Variants in TEX26 observed in about 807,000 individuals in gnomAD.
TEX26 encodes testis expressed 26, also known as testis-expressed protein 26.
Under a neutral mutation model 35.3 loss-of-function variants are expected in TEX26, and 34 were observed. The observed-to-expected ratio is 0.96, with a 90% CI of 0.73 to 1.28. The LOEUF (loss-of-function observed/expected upper bound fraction) is 1.28, where lower values mean the gene tolerates loss of function less well. Ranked by LOEUF, TEX26 falls within the 50% of genes most tolerant of loss-of-function variation. The pLI, the probability that TEX26 is intolerant of heterozygous loss-of-function variation, is 0.00. For synonymous variants in TEX26, 136 were observed against 111.8 expected (o/e 1.22, Z -1.36); for missense variants, 371 against 330.1 (o/e 1.12, Z -0.96).
chr13:30,951,495 T>G (rs1953920208), intron 2 of TEX26, among the ~76,000 whole-genome samples: 1 of 152,168 alleles, frequency 6.6e-6, no homozygotes, highest in Non-Finnish European at 1.5e-5. Flanking sequence ...ACAGAGATAA[T>G]CTGAATCTAT....
intron 1 of TEX26, among the ~76,000 whole-genome samples, chr13:30,937,509 G>A (rs1252218277): frequency 1.5e-5 from 2 of 132,958 alleles, no homozygotes; most frequent in African/African-American, 5.6e-5. Flanking sequence ...GGTTAGAGAA[G>A]GCTTCTTTTA....
Position 30,948,432 on chromosome 13 carries a change from C to G in TEX26, c.147-4228C>G, listed in dbSNP as rs1420279703. 1.3e-5 allele frequency among the ~76,000 whole-genome samples: 2 copies of G among 152,166 alleles called. 1 individual carries two copies. The stretch of plus-strand genomic sequence containing the variant: ...TCCTGACTTTTTAATGATTGCCATT[C>G]TAACTGGTGTGAGATGGTATCTCAT... On this transcript the variant is annotated intron_variant, in intron 2 of 6. Coordinates refer to ENST00000380473, the MANE Select transcript of TEX26 (RefSeq NM_152325.3).
chr13:30,973,971 A>C (rs1349400758), intron 6 of TEX26, among the ~76,000 whole-genome samples: 1 of 151,596 alleles, frequency 6.6e-6, no homozygotes, highest in Non-Finnish European at 1.5e-5. Flanking sequence ...AAGTACAAAA[A>C]TTAGCTGGGC....
At chr13:30,961,386 T>C (rs1954337046) in intron 4 of TEX26, among the ~76,000 whole-genome samples, 1 of 152,226 alleles carries the variant, frequency 6.6e-6, no homozygotes, top group Non-Finnish European at 1.5e-5. Flanking sequence ...CTCCCTGCCT[T>C]CCACTGTACC....
chr13:30,963,521 T>C (rs543228051), intron 4 of TEX26, among the ~76,000 whole-genome samples: 1 of 152,350 alleles, frequency 6.6e-6, no homozygotes, highest in East Asian at 1.9e-4. Context: ...ATGAACAATA[T>C]ATAGTTTACT....
At chr13:30,947,143 C>A (rs956623427) in intron 2 of TEX26, among the ~76,000 whole-genome samples, 16 of 152,034 alleles carry the variant, frequency 1.1e-4, no homozygotes, top group African/African-American at 3.9e-4. Flanking sequence ...AGTACACAAT[C>A]GCTCAAAGCA....
intron 2 of TEX26, among the ~76,000 whole-genome samples, chr13:30,948,089 A>C (rs949242753): frequency 1.3e-5 from 2 of 152,098 alleles, no homozygotes; most frequent in African/African-American, 2.4e-5. Flanking sequence ...TTATGGCTGT[A>C]TAGTATTCCA....
intron 3 of TEX26, among the ~76,000 whole-genome samples, chr13:30,954,242 A>T (rs1350436064): frequency 6.7e-6 from 1 of 148,522 alleles, no homozygotes; most frequent in Admixed American, 6.8e-5. Context: ...TAATGTATTC[A>T]ACCCTGAAAA....
At chr13:30,939,588 A>G (rs749658723) in intron 1 of TEX26, 106 bp from the exon 2 acceptor site, 37 of 976,450 alleles carry the variant, frequency 3.8e-5, no homozygotes, top group Non-Finnish European at 4.8e-5. Flanking sequence ...AAGATAAACC[A>G]TCCAAAATGT....
At chr13:30,936,582 C>T in intron 1 of TEX26, 3 of 722,454 alleles carry the variant, frequency 4.2e-6, no homozygotes, top group Non-Finnish European at 5.1e-6. Flanking sequence ...TTCATGTTCC[C>T]TGTGACACAT....
At chr13:30,942,603 AAG>A (rs1327695806) in intron 2 of TEX26, among the ~76,000 whole-genome samples, 2 of 152,082 alleles carry the variant, frequency 1.3e-5, no homozygotes, top group Non-Finnish European at 2.9e-5. Context: ...CAATGTCCAG[AAG>A]AGTTTTTCCT....
At chr13:30,967,738 C>A (rs181687772) in intron 5 of TEX26, among the ~76,000 whole-genome samples, 1 of 152,148 alleles carries the variant, frequency 6.6e-6, no homozygotes, top group African/African-American at 2.4e-5. Context: ...GTTTTTACAT[C>A]GTGATTCTAT....
intron 3 of TEX26, among the ~76,000 whole-genome samples, chr13:30,953,380 A>G (rs1216605963): frequency 1.3e-5 from 2 of 152,236 alleles, no homozygotes; most frequent in South Asian, 2.1e-4. Context: ...GAAAAGCACT[A>G]TTATGAAGAC....
At chr13:30,949,801 C>T (rs543990009) in intron 2 of TEX26, among the ~76,000 whole-genome samples, 7 of 152,098 alleles carry the variant, frequency 4.6e-5, no homozygotes, top group Admixed American at 1.3e-4. Flanking sequence ...AAATACCAAT[C>T]ACGTATAAAA....
intron 2 of TEX26, among the ~76,000 whole-genome samples, chr13:30,950,160 C>T (rs907028842): frequency 6.6e-6 from 1 of 152,214 alleles, no homozygotes; most frequent in Non-Finnish European, 1.5e-5. Context: ...AATCCCAACA[C>T]TTTGGGAGGC....
At chr13:30,970,930 C>T (rs1954691481) in intron 6 of TEX26, among the ~76,000 whole-genome samples, 2 of 152,208 alleles carry the variant, frequency 1.3e-5, no homozygotes, top group South Asian at 2.1e-4. Flanking sequence ...TGTTAGCTAA[C>T]AAGGTAACTT....
chr13:30,966,909 G>A (rs955640382), intron 5 of TEX26, among the ~76,000 whole-genome samples: 14 of 152,196 alleles, frequency 9.2e-5, no homozygotes, highest in Admixed American at 2.6e-4. Context: ...GTAACCCAGG[G>A]AGCCAGTACA....
In TEX26 at chr13:30,941,750, T is replaced by C. The variant is rs896606461; in HGVS notation, c.146+1972T>C. On this transcript the variant is annotated intron_variant, in intron 2 of 6. Coordinates refer to ENST00000380473, the MANE Select transcript of TEX26 (RefSeq NM_152325.3). Reference sequence around the variant, plus strand: ...CTTATCAGTGAGAATGTATGGTATTTGGTTTTCCATTCCTGCATTCCTGAG... The same window carrying C: ...CTTATCAGTGAGAATGTATGGTATTCGGTTTTCCATTCCTGCATTCCTGAG... 2.9e-4 allele frequency among the ~76,000 whole-genome samples: 44 copies of C among 152,194 alleles called. 1 individual carries two copies. The highest frequency in any genetic ancestry group is 2.4e-5 in the African/African-American group (1 of 41,438).
intron 2 of TEX26, among the ~76,000 whole-genome samples, chr13:30,941,873 A>G (rs1357064075): frequency 6.6e-5 from 10 of 152,158 alleles, no homozygotes. Flanking sequence ...CATGGTGTAT[A>G]TATATATACA....
Sources: allele counts gnomAD v4.1 joint callset (sites outside exome capture counted in the v4.1 genomes callset), GRCh38; gene constraint gnomAD v4.1.1; transcripts MANE v1.5; gene names NCBI Gene and HGNC (gene_info 2026-07-23, HGNC 2026-07-21).